GSG1L: variants seen among roughly 807,000 people sequenced by gnomAD.
GSG1L encodes GSG1 like.
GSG1L carries 24 observed loss-of-function variants against 42.1 expected under a neutral mutation model. The observed-to-expected ratio is 0.57, with a 90% CI of 0.41 to 0.80. The LOEUF is 0.80. Ranked by LOEUF, GSG1L falls within the 30% of genes least tolerant of loss-of-function variation. The pLI is 0.00. For missense variants in GSG1L, 445 were observed against 472.2 expected (o/e 0.94, Z 0.53); for synonymous variants, 215 against 203.5 (o/e 1.06, Z -0.48).
At chr16:27,849,469 G>A (rs1333660814) in intron 3 of GSG1L, among the ~76,000 whole-genome samples, 2 of 152,146 alleles carry the variant, frequency 1.3e-5, no homozygotes, top group African/African-American at 4.8e-5. Context: ...TGTTGCAAGG[G>A]CCCAGGGTAA....
At chr16:27,937,305 T>G (rs1248463328) in intron 2 of GSG1L, among the ~76,000 whole-genome samples, 1 of 151,194 alleles carries the variant, frequency 6.6e-6, no homozygotes, top group African/African-American at 2.4e-5. Context: ...TGGTGTGATC[T>G]CGGCTCACTG....
At position 27,918,667 on chromosome 16, in the gene GSG1L, GAA is replaced by G. The variant is rs11314607; in HGVS notation, c.398-34031_398-34030del. Among the ~76,000 whole-genome samples the G allele has an allele frequency of 5.6e-4, 79 of 141,688 alleles. 2 individuals are homozygous for G. The highest frequency in any genetic ancestry group is 1.7e-3 in the African/African-American group (63 of 37,436). The allele number at this position is 141,688 out of a possible 152,430, so 93.0% of individuals were successfully genotyped here. ...GAGCAAGACTCCATCTCAAAAAAAAGAAAAAAAAAAAGAAAGAAAAAGAAAAA... is the reference window on the plus strand; with the variant it reads ...GAGCAAGACTCCATCTCAAAAAAAAGAAAAAAAAAGAAAGAAAAAGAAAAA... On this transcript the variant is annotated intron_variant, in intron 2 of 6. Coordinates refer to ENST00000447459, the MANE Select transcript of GSG1L (RefSeq NM_001109763.2).
At chr16:27,939,149 T>C (rs934139686) in intron 2 of GSG1L, among the ~76,000 whole-genome samples, 1 of 151,692 alleles carries the variant, frequency 6.6e-6, no homozygotes, top group African/African-American at 2.4e-5. Context: ...TGAGACAGGG[T>C]TTCGCTCCGT....
At chr16:27,818,269 A>G (rs531449412) in intron 5 of GSG1L, among the ~76,000 whole-genome samples, 2 of 152,204 alleles carry the variant, frequency 1.3e-5, no homozygotes, top group South Asian at 4.1e-4. Context: ...GGGAGTGAAC[A>G]TTCCTTCCAG....
At chr16:27,818,554 CAGAT>C (rs996365816) in intron 5 of GSG1L, among the ~76,000 whole-genome samples, 16 of 152,008 alleles carry the variant, frequency 1.1e-4, no homozygotes, top group Middle Eastern at 3.4e-3. Flanking sequence ...GCAGTGAAGA[CAGAT>C]GGATGAGATG....
chr16:28,010,228 G>T (rs1045484560), intron 1 of GSG1L, among the ~76,000 whole-genome samples: 1 of 152,144 alleles, frequency 6.6e-6, no homozygotes, highest in Non-Finnish European at 1.5e-5. Context: ...ATCCTCAGAC[G>T]CTCTTTGAGA....
At chr16:27,949,266 C>T (rs2084924710) in intron 2 of GSG1L, among the ~76,000 whole-genome samples, 1 of 152,042 alleles carries the variant, frequency 6.6e-6, no homozygotes, top group Non-Finnish European at 1.5e-5. Flanking sequence ...AATAAACTGG[C>T]ATACTAAAAC....
intron 3 of GSG1L, among the ~76,000 whole-genome samples, chr16:27,882,650 T>C (rs2083974112): frequency 6.6e-6 from 1 of 152,204 alleles, no homozygotes; most frequent in Non-Finnish European, 1.5e-5. Context: ...CTCTTACTTA[T>C]TTTCCAAGTC....
intron 2 of GSG1L, among the ~76,000 whole-genome samples, chr16:27,952,682 CA>C (rs2084963209): frequency 6.6e-6 from 1 of 152,192 alleles, no homozygotes; most frequent in Non-Finnish European, 1.5e-5. Context: ...GAGAGCCATG[CA>C]AAGGTTTTCA....
intron 2 of GSG1L, among the ~76,000 whole-genome samples, chr16:27,891,884 C>CTTTTTTTTTTTT (rs60746199): frequency 1.3e-5 from 1 of 74,344 alleles, no homozygotes; most frequent in African/African-American, 4.3e-5. Flanking sequence ...AGTGACAGAT[C>CTTTTTTTTTTTT]TTTTTTTTTT....
intron 6 of GSG1L, among the ~76,000 whole-genome samples, chr16:27,799,692 G>A (rs1253719932): frequency 1.3e-5 from 2 of 152,096 alleles, no homozygotes; most frequent in Admixed American, 6.6e-5. Context: ...GGCGGGCACC[G>A]AGCCAGATTC....
At chr16:27,862,059 G>A (rs545212316) in intron 3 of GSG1L, among the ~76,000 whole-genome samples, 15 of 152,306 alleles carry the variant, frequency 9.8e-5, no homozygotes, top group African/African-American at 2.6e-4. Context: ...CCAAGCTGCC[G>A]TTTATTAAGG....
At chr16:28,000,410 G>A (rs908494581) in intron 1 of GSG1L, among the ~76,000 whole-genome samples, 1 of 152,194 alleles carries the variant, frequency 6.6e-6, no homozygotes, top group African/African-American at 2.4e-5. Context: ...CCCTGGGATG[G>A]GACATTTCCT....
At position 27,790,806 on chromosome 16, in the gene GSG1L, C is replaced by T. The variant is rs1390581660; in HGVS notation, c.*564G>A. ...GCCTCTGCACAGTCTCTGCTGTCAC[C>T]TTCAGCCTCCTTGAGGAGTAATGGG... On this transcript the variant is annotated 3_prime_UTR_variant, in exon 7 of 7. Transcript: ENST00000447459. The T allele has an allele frequency of 6.6e-6, 1 of 152,630 alleles. No individual in the cohort carries two copies. The highest frequency in any genetic ancestry group is 2.4e-5 in the African/African-American group (1 of 41,478). 9.5% of individuals were successfully genotyped at this position (152,630 alleles called of 1,614,324 possible).
intron 5 of GSG1L, chr16:27,823,712 A>T (rs780142868): frequency 2.0e-5 from 12 of 609,472 alleles, no homozygotes; most frequent in Non-Finnish European, 2.7e-5. Context: ...TCCTGCGATG[A>T]ACTCCTCAGC....
chr16:27,952,797 C>T (rs149052632), intron 2 of GSG1L, among the ~76,000 whole-genome samples: 71 of 152,342 alleles, frequency 4.7e-4, no homozygotes, highest in Non-Finnish European at 8.4e-4. Flanking sequence ...AACACGCACA[C>T]AGAAAACTGC....
chr16:27,954,337 G>T (rs1405154308), intron 2 of GSG1L, among the ~76,000 whole-genome samples: 1 of 152,216 alleles, frequency 6.6e-6, no homozygotes, highest in Non-Finnish European at 1.5e-5. Context: ...TGAATAGTTG[G>T]TTAATGACTT....
At chr16:27,885,418 G>A (rs2084015738) in intron 2 of GSG1L, among the ~76,000 whole-genome samples, 1 of 152,100 alleles carries the variant, frequency 6.6e-6, no homozygotes, top group African/African-American at 2.4e-5. Flanking sequence ...CTAAGTGCTG[G>A]GATTACAGGC....
chr16:27,941,091 G>A (rs2084787799), intron 2 of GSG1L, among the ~76,000 whole-genome samples: 1 of 152,002 alleles, frequency 6.6e-6, no homozygotes, highest in Non-Finnish European at 1.5e-5. Context: ...CATTGGATTT[G>A]GCAACAGTTC....
Sources: allele counts gnomAD v4.1 joint callset (sites outside exome capture counted in the v4.1 genomes callset), GRCh38; gene constraint gnomAD v4.1.1; transcripts MANE v1.5; gene names NCBI Gene and HGNC (gene_info 2026-07-23, HGNC 2026-07-21).